The following SUCO variants were observed in gnomAD, a reference collection of about 807,000 sequenced individuals.
SUCO encodes the protein SUN domain containing ossification factor.
Under a neutral mutation model 148.1 loss-of-function variants are expected in SUCO, and 57 were observed. That is an observed-to-expected ratio of 0.38 (90% CI 0.31 to 0.48). SUCO has a LOEUF of 0.48. SUCO is among the 20% of genes least tolerant of loss of function. The pLI is 0.96. For synonymous variants in SUCO, 470 were observed against 502.7 expected, an observed-to-expected ratio of 0.93 and a Z score of 0.87; for missense variants, 1,331 against 1,468.2, an observed-to-expected ratio of 0.91 and a Z score of 1.53.
chr1:172,553,273 G>A lies in SUCO; in HGVS notation c.191G>A (p.Gly64Glu). Residue 64 changes from glycine to glutamate, a missense_variant, in exon 3 of 24, where the codon GGA (glycine) becomes GAA (glutamate). Gly to Glu is a moderately conservative substitution (Grantham distance 98, BLOSUM62 -2). Around this residue, in one of 3 missense-constraint regions of SUCO, gnomAD observed 992 missense variants for 1,093.5 expected, o/e 0.91. Transcript: ENST00000263688. Reference protein sequence around the residue: ...VQFQKKDEREGPINAESLGKS... With the variant: ...VQFQKKDEREEPINAESLGKS... ...GTTGTTATATAGGATGAAAGAGAGGGACCTATCAATGCCGAATCATTGGGA... is the reference window on the plus strand; with the variant it reads ...GTTGTTATATAGGATGAAAGAGAGGAACCTATCAATGCCGAATCATTGGGA... 6.3e-7 allele frequency: 1 copy of A among 1,586,414 alleles called. No homozygotes were observed. Among genetic ancestry groups the A allele is most frequent in the Non-Finnish European group, 8.6e-7 (1 of 1,162,890 alleles).
At chr1:172,569,394 T>G (rs1654780548) in intron 7 of SUCO, 1 of 980,458 alleles carries the variant, frequency 1.0e-6, no homozygotes. Context: ...TAGCAGTGAT[T>G]TTCATCACAA....
intron 1 of SUCO, among the ~76,000 whole-genome samples, chr1:172,548,011 A>AT (rs543819815): frequency 0.034 from 5,178 of 151,360 alleles, 265 homozygotes; most frequent in African/African-American, 0.12. Context: ...GCATTTGTAG[A>AT]TTTTTTTTTG....
At chr1:172,557,616 A>G in intron 5 of SUCO, 28 bp from the exon 6 acceptor site, 1 of 1,552,048 alleles carries the variant, frequency 6.4e-7, no homozygotes, top group South Asian at 1.2e-5. Flanking sequence ...AAATCTGTTT[A>G]TTTAATATAT....
At chr1:172,541,042 C>A (rs1652416140) in intron 1 of SUCO, among the ~76,000 whole-genome samples, 1 of 151,974 alleles carries the variant, frequency 6.6e-6, no homozygotes, top group Non-Finnish European at 1.5e-5. Flanking sequence ...GGGGTGAATA[C>A]AATTGGCTTT....
chr1:172,610,069 C>T lies in SUCO; in HGVS notation c.3575C>T (p.Ser1192Phe), dbSNP rs1469945466. 12 of 1,613,834 alleles carry T rather than the reference C, an allele frequency of 7.4e-6. No individual in the cohort carries two copies. Among genetic ancestry groups the T allele is most frequent in the Non-Finnish European group, 1.0e-5 (12 of 1,179,856 alleles). ...SACTSLCNGQSQKTKTEKRAL... is the reference protein window; with the variant it reads ...SACTSLCNGQFQKTKTEKRAL... The stretch of plus-strand genomic sequence containing the variant: ...TGCACAAGTCTGTGCAATGGACAGT[C>T]TCAAAAGACAAAAACTGAGAAGAGG... The change falls in exon 24 of 24, where the codon TCT becomes TTT. Residue 1192 changes from serine (S) to phenylalanine (F), a missense_variant. Physicochemically the swap from Ser to Phe is radical, Grantham distance 155. Transcript: ENST00000263688.
rs1236803367 is a variant in SUCO at position 172,600,127 on chromosome 1, G to A, written c.2977G>A (p.Val993Ile). The A allele has an allele frequency of 1.2e-6, 2 of 1,611,524 alleles. No homozygotes were observed. The highest frequency in any genetic ancestry group is 2.2e-5 in the East Asian group (1 of 44,730). The change falls in exon 20 of 24, where the codon GTT becomes ATT. Residue 993 changes from valine to isoleucine, a missense_variant. This residue lies in a region of SUCO where 334 missense variants were observed against 352.3 expected (regional missense o/e 0.95). Coordinates refer to ENST00000263688, the MANE Select transcript of SUCO (RefSeq NM_014283.5). ...ACAGCTGACCAACATGACACAGCTT[G>A]TTTCAAATTTATCAGCAACAGTAGC... The part of the protein sequence containing the change: ...QAQLTNMTQL[V>I]SNLSATVAEL...
intron 15 of SUCO, 30 bp downstream of exon 15, chr1:172,579,297 C>T (rs1194565811): frequency 7.1e-7 from 1 of 1,408,918 alleles, no homozygotes; most frequent in Non-Finnish European, 1.0e-6. Context: ...TCTATTCATT[C>T]TACTACTTTT....
chr1:172,592,341 T>C (rs1369007843), intron 19 of SUCO, among the ~76,000 whole-genome samples: 5 of 152,194 alleles, frequency 3.3e-5, no homozygotes, highest in Non-Finnish European at 7.4e-5. Flanking sequence ...TTAGTCATGA[T>C]GTCCTTGCCT....
At chr1:172,572,221 GGACC>G (rs1272111191) in intron 9 of SUCO, among the ~76,000 whole-genome samples, 1 of 149,316 alleles carries the variant, frequency 6.7e-6, no homozygotes, top group Non-Finnish European at 1.5e-5. Flanking sequence ...CATTGAGAAC[GGACC>G]ATGATGACAA....
At chr1:172,552,483 G>A (rs1469148832) in intron 2 of SUCO, 1 of 204,594 alleles carries the variant, frequency 4.9e-6, no homozygotes, top group Non-Finnish European at 8.6e-6. Flanking sequence ...TTTGCATTTT[G>A]TTCCCTGCCA....
intron 1 of SUCO, chr1:172,550,962 C>G: frequency 1.4e-6 from 1 of 716,914 alleles, no homozygotes; most frequent in Non-Finnish European, 1.7e-6. Context: ...TTGGTATGTT[C>G]CTAGAGACTT....
At position 172,595,595 on chromosome 1, in the gene SUCO, A is replaced by T. The variant is rs560156211; in HGVS notation, c.2914-4469A>T. On this transcript the variant is annotated intron_variant, in intron 19 of 23. Transcript: ENST00000263688. Reference sequence around the variant, plus strand: ...AAAATTCCTTTCTTTAAGAATGTTGAATATTGGCCCCCACTCTCTTCTGAC... The same window carrying T: ...AAAATTCCTTTCTTTAAGAATGTTGTATATTGGCCCCCACTCTCTTCTGAC... 7.2e-5 allele frequency among the ~76,000 whole-genome samples: 11 copies of T among 152,324 alleles called. No homozygotes were observed. In the South Asian group the frequency reaches 2.3e-3, roughly 32 times the overall value.
chr1:172,569,528 T>G, intron 7 of SUCO: 1 of 979,904 alleles, frequency 1.0e-6, no homozygotes, highest in Non-Finnish European at 1.2e-6. Context: ...CATATGATGT[T>G]TCAAGAACAT....
rs1263345093 is a variant in SUCO, at chr1:172,608,744, C to T, written c.3266-3C>T. 14 of 1,516,100 alleles carry T rather than the reference C, an allele frequency of 9.2e-6. No homozygotes were observed. The highest frequency in any genetic ancestry group is 1.4e-5 in the African/African-American group (1 of 70,136). The allele number at this position is 1,516,100 out of a possible 1,614,324, so 93.9% of individuals were successfully genotyped here. ...ATCTGCTTTTTTTTTTTTTTACTTA[C>T]AGTAGACCCAAATGATTTGTACATT... On this transcript the variant is annotated splice_region_variant and splice_polypyrimidine_tract_variant and intron_variant, in intron 22 of 23. Transcript: ENST00000263688.
intron 19 of SUCO, among the ~76,000 whole-genome samples, chr1:172,595,933 T>A (rs1014308931): frequency 7.2e-5 from 11 of 152,350 alleles, no homozygotes; most frequent in African/African-American, 2.6e-4. Flanking sequence ...GTAGATTTGG[T>A]CTTTTCACAT....
rs960033329 is a variant in SUCO at position 172,603,919 on chromosome 1, C to T, written c.3265+1132C>T. Reference sequence around the variant, plus strand: ...TATTCATTTACATTTAGATTATTTTCATTTTGAGGTTGTTACATACTTTTG... The same window carrying T: ...TATTCATTTACATTTAGATTATTTTTATTTTGAGGTTGTTACATACTTTTG... On this transcript the variant is annotated intron_variant, in intron 22 of 23. Coordinates refer to ENST00000263688, the MANE Select transcript of SUCO (RefSeq NM_014283.5). Among the ~76,000 whole-genome samples, 9 of 151,874 alleles carry T rather than the reference C, an allele frequency of 5.9e-5. 1 individual carries two copies. Among genetic ancestry groups the T allele is most frequent in the Admixed American group, 3.3e-4 (5 of 15,248 alleles).
At chr1:172,600,022 T>G (rs773418233) in intron 19 of SUCO, 42 bp from the exon 20 acceptor site, 3 of 1,291,352 alleles carry the variant, frequency 2.3e-6, no homozygotes, top group Admixed American at 4.9e-5. Context: ...TGTTAATAGT[T>G]TGTAGTTAAT....
intron 1 of SUCO, among the ~76,000 whole-genome samples, chr1:172,545,508 G>A (rs1002246714): frequency 2.6e-5 from 4 of 152,112 alleles, no homozygotes; most frequent in Non-Finnish European, 5.9e-5. Flanking sequence ...GCAGAAGTGT[G>A]TAATTTGACA....
rs1553273837 is a variant in SUCO at position 172,570,650 on chromosome 1, C to A, written c.982-13C>A. ...CCTTAAGTAATTTGTTTCCTTTCCTCTTTTTAAAATAGAGCACATCTGCTA... is the reference window on the plus strand; with the variant it reads ...CCTTAAGTAATTTGTTTCCTTTCCTATTTTTAAAATAGAGCACATCTGCTA... On this transcript the variant is annotated splice_polypyrimidine_tract_variant and intron_variant, in intron 8 of 23. Coordinates refer to ENST00000263688, the MANE Select transcript of SUCO (RefSeq NM_014283.5). 1 of 1,537,446 alleles carries A rather than the reference C, an allele frequency of 6.5e-7. No homozygotes were observed. The highest frequency in any genetic ancestry group is 8.9e-7 in the Non-Finnish European group (1 of 1,118,138).
Sources: allele counts gnomAD v4.1 joint callset (sites outside exome capture counted in the v4.1 genomes callset), GRCh38; gene constraint gnomAD v4.1.1; regional missense constraint gnomAD v4.1.1; transcripts MANE v1.5; gene names NCBI Gene and HGNC (gene_info 2026-07-23, HGNC 2026-07-21).